FBN2: variants seen among roughly 807,000 people sequenced by gnomAD.
FBN2 encodes the protein fibrillin-2.
FBN2 carries 105 observed loss-of-function variants against 355.6 expected under a neutral mutation model. The ratio of observed to expected loss-of-function variants is 0.30; its 90% confidence interval spans 0.25 to 0.35. The LOEUF is 0.35. Ranked by LOEUF, FBN2 falls within the 10% of genes least tolerant of loss-of-function variation. The pLI, the probability that FBN2 is intolerant of heterozygous loss-of-function variation, is 1.00. For synonymous variants in FBN2, 1,350 were observed against 1,301.2 expected, an observed-to-expected ratio of 1.04 and a Z score of -0.81; for missense variants, 3,280 against 3,758.7, an observed-to-expected ratio of 0.87 and a Z score of 3.33.
intron 45 of FBN2, among the ~76,000 whole-genome samples, chr5:128,304,723 C>A (rs1187915609): frequency 1.3e-5 from 2 of 152,160 alleles, no homozygotes; most frequent in African/African-American, 4.8e-5. Context: ...CTGTGAATCA[C>A]TGAACTGACG....
intron 52 of FBN2, 32 bp from the exon 53 acceptor site, chr5:128,288,589 G>C: frequency 6.2e-7 from 1 of 1,610,442 alleles, no homozygotes. Context: ...CTGCCACAAA[G>C]ATGTTTTAGT....
At position 128,286,823 on chromosome 5, in the gene FBN2, G is replaced by A. The variant is rs751087960; in HGVS notation, c.6907C>T (p.His2303Tyr). ...ATCATGCCCCTAGATTCACAGTCGT[G>A]TAACCCTTCAGCACATTCATCCAGA... ...KDLDECAEGL[H>Y]DCESRGMMCK... The change falls in exon 55 of 65, where the codon CAC (histidine) becomes TAC (tyrosine). Residue 2303 changes from histidine to tyrosine, a missense_variant. By Grantham distance (83) the His-to-Tyr change is moderately conservative. This residue lies in a region of FBN2 where 2,284 missense variants were observed against 2,749.5 expected (regional missense o/e 0.83). Transcript: ENST00000262464. The A allele has an allele frequency of 9.3e-6, 15 of 1,614,056 alleles. No individual in the cohort carries two copies. In the South Asian group the frequency reaches 1.6e-4, roughly 18 times the overall value.
chr5:128,429,346 C>T (rs1753561528), intron 7 of FBN2, among the ~76,000 whole-genome samples: 1 of 152,158 alleles, frequency 6.6e-6, no homozygotes, highest in South Asian at 2.1e-4. Flanking sequence ...CTCCTACTGC[C>T]CACCCACTAT....
intron 7 of FBN2, among the ~76,000 whole-genome samples, chr5:128,432,688 A>C (rs943449511): frequency 6.6e-6 from 1 of 152,170 alleles, no homozygotes; most frequent in Non-Finnish European, 1.5e-5. Flanking sequence ...TGGACAAATA[A>C]ATTTTATTTT....
At position 128,328,795 on chromosome 5, in the gene FBN2, T is replaced by C. The variant is rs1750620979; in HGVS notation, c.4372A>G (p.Asn1458Asp). 1.2e-6 allele frequency: 2 copies of C among 1,614,190 alleles called. No individual in the cohort carries two copies. The highest frequency in any genetic ancestry group is 2.2e-5 in the South Asian group (2 of 91,088). ...AGGCACTGTCCGTTCTCACAGAGGT[T>C]TATGTTTTCTGCACACTCATCAACA... ...SDVDECAENINLCENGQCLNV... is the reference protein window; with the variant it reads ...SDVDECAENIDLCENGQCLNV... Residue 1458 changes from asparagine (N) to aspartate (D), a missense_variant, in exon 34 of 65, where the codon AAC becomes GAC. By Grantham distance (23) the Asn-to-Asp change is conservative (BLOSUM62 1). Coordinates refer to ENST00000262464, the MANE Select transcript of FBN2 (RefSeq NM_001999.4).
At chr5:128,335,920 C>T in intron 28 of FBN2, 68 bp downstream of exon 28, 1 of 1,550,906 alleles carries the variant, frequency 6.4e-7, no homozygotes, top group Non-Finnish European at 8.8e-7. Context: ...CATTATAATT[C>T]AGCGCCAAAA....
chr5:128,496,731 C>A (rs930391090), intron 5 of FBN2, among the ~76,000 whole-genome samples: 3 of 151,804 alleles, frequency 2.0e-5, no homozygotes, highest in Non-Finnish European at 4.4e-5. Context: ...TTGTAGATGG[C>A]AACACTCACG....
intron 8 of FBN2, among the ~76,000 whole-genome samples, chr5:128,403,009 CT>C (rs771303984): frequency 5.9e-5 from 9 of 152,154 alleles, no homozygotes; most frequent in Non-Finnish European, 2.9e-5. Flanking sequence ...TTCTTCCTTT[CT>C]TAATTAAAAC....
chr5:128,469,188 T>C (rs1229673870), intron 5 of FBN2, among the ~76,000 whole-genome samples: 1 of 152,006 alleles, frequency 6.6e-6, no homozygotes, highest in Non-Finnish European at 1.5e-5. Context: ...TAATTTACAG[T>C]TTGTTGGGGG....
At chr5:128,454,284 T>C (rs1303357103) in intron 6 of FBN2, among the ~76,000 whole-genome samples, 1 of 152,222 alleles carries the variant, frequency 6.6e-6, no homozygotes, top group African/African-American at 2.4e-5. Flanking sequence ...TGTTAGTTTT[T>C]TGTGGGGTTA....
At chr5:128,333,417 T>C (rs911048078) in intron 31 of FBN2, among the ~76,000 whole-genome samples, 7 of 152,212 alleles carry the variant, frequency 4.6e-5, no homozygotes, top group African/African-American at 1.7e-4. Context: ...TAGATGGTGC[T>C]ATTCCTTCCT....
chr5:128,272,618 C>G (rs1451591574), intron 61 of FBN2, among the ~76,000 whole-genome samples: 1 of 151,634 alleles, frequency 6.6e-6, no homozygotes, highest in African/African-American at 2.4e-5. Context: ...TTTTTATTAC[C>G]ATTCAAGATT....
At chr5:128,355,000 A>T (rs1751464110) in intron 20 of FBN2, among the ~76,000 whole-genome samples, 1 of 152,204 alleles carries the variant, frequency 6.6e-6, no homozygotes, top group Non-Finnish European at 1.5e-5. Context: ...AAAGAGAAAC[A>T]GAGGTCCAAA....
intron 34 of FBN2, among the ~76,000 whole-genome samples, chr5:128,326,342 T>C (rs1463989946): frequency 6.6e-6 from 1 of 152,180 alleles, no homozygotes; most frequent in Non-Finnish European, 1.5e-5. Context: ...TCTATGTTGA[T>C]GAACTTAGCC....
chr5:128,482,435 C>G, intron 5 of FBN2, among the ~76,000 whole-genome samples: 1 of 151,998 alleles, frequency 6.6e-6, no homozygotes, highest in East Asian at 1.9e-4. Flanking sequence ...AATGATCTAC[C>G]CAATGCATTC....
At chr5:128,489,922 A>T (rs1229284342) in intron 5 of FBN2, among the ~76,000 whole-genome samples, 1 of 152,208 alleles carries the variant, frequency 6.6e-6, no homozygotes. Flanking sequence ...TGTACTATAG[A>T]CTACAGTACA....
intron 7 of FBN2, among the ~76,000 whole-genome samples, chr5:128,430,580 A>G (rs2127029772): frequency 6.6e-6 from 1 of 152,286 alleles, no homozygotes; most frequent in Non-Finnish European, 1.5e-5. Context: ...GAGGTGGCTT[A>G]CGCTTGTAAT....
intron 6 of FBN2, among the ~76,000 whole-genome samples, chr5:128,450,509 A>G (rs944298765): frequency 3.9e-5 from 6 of 152,148 alleles, no homozygotes; most frequent in African/African-American, 1.4e-4. Context: ...AAGATACACC[A>G]TATCAAAATT....
At chr5:128,445,041 C>A (rs2127054125) in intron 7 of FBN2, among the ~76,000 whole-genome samples, 1 of 152,252 alleles carries the variant, frequency 6.6e-6, no homozygotes, top group Admixed American at 6.5e-5. Context: ...TTCTGCAGAT[C>A]CCTGAGTTTT....
Sources: gnomAD v4.1 joint callset for allele counts (sites outside exome capture counted in the v4.1 genomes callset) on GRCh38, gnomAD v4.1.1 for gene constraint, gnomAD v4.1.1 regional missense constraint, MANE v1.5 for transcripts, NCBI Gene and HGNC (gene_info 2026-07-23, HGNC 2026-07-21) for gene names.